The following EFHC1 variants were observed in gnomAD, a reference collection of about 807,000 sequenced individuals.
EFHC1 encodes EF-hand domain-containing protein 1.
EFHC1 carries 53 observed loss-of-function variants against 69.9 expected under a neutral mutation model. The ratio of observed to expected loss-of-function variants is 0.76; its 90% CI spans 0.61 to 0.95. The LOEUF (loss-of-function observed/expected upper bound fraction) is 0.95, where lower values mean the gene tolerates loss of function less well. EFHC1 is among the 40% of genes least tolerant of loss of function. The probability of loss-of-function intolerance (pLI) is 0.00; values close to 1 mark genes in which losing one functional copy is unlikely to be tolerated. For missense variants in EFHC1, 739 were observed against 798.7 expected (o/e 0.93, Z 0.90); for synonymous variants, 256 against 278.4 (o/e 0.92, Z 0.80).
At chr6:52,463,956 T>C (rs1274398893) in intron 5 of EFHC1, among the ~76,000 whole-genome samples, 1 of 152,216 alleles carries the variant, frequency 6.6e-6, no homozygotes, top group Non-Finnish European at 1.5e-5. Context: ...ATGCCTGTTA[T>C]AGCAGAAACT....
rs928923385 is a variant in EFHC1, at chr6:52,493,992, T to C, written c.*1651T>C. ...TATTGAAAGGGCTGTGAATGTATTA[T>C]GTTGATTCCTTTTCTGTTCCAGGTT... On this transcript the variant is annotated 3_prime_UTR_variant, in exon 11 of 11. Transcript: ENST00000371068. 3 of 454,008 alleles carry C rather than the reference T, an allele frequency of 6.6e-6. No homozygotes were observed. Among genetic ancestry groups the C allele is most frequent in the African/African-American group, 2.0e-5 (1 of 49,998 alleles). 28.1% of individuals were successfully genotyped at this position (454,008 alleles called of 1,614,324 possible).
chr6:52,480,195 AAATT>A (rs1765644935), intron 9 of EFHC1: 1 of 299,454 alleles, frequency 3.3e-6, no homozygotes, highest in Non-Finnish European at 6.2e-6. Context: ...AAGCTAGAGA[AAATT>A]AAGAAAATAA....
chr6:52,465,234 G>C, intron 6 of EFHC1, 119 bp downstream of exon 6: 1 of 853,802 alleles, frequency 1.2e-6, no homozygotes, highest in South Asian at 1.6e-5. Context: ...ATGTAACACA[G>C]TAGTTCACAA....
chr6:52,446,712 C>G (rs1764795456), intron 3 of EFHC1, among the ~76,000 whole-genome samples: 1 of 152,124 alleles, frequency 6.6e-6, no homozygotes, highest in Non-Finnish European at 1.5e-5. Flanking sequence ...TTGTTCCTTT[C>G]CATGTTTAGT....
intron 5 of EFHC1, among the ~76,000 whole-genome samples, chr6:52,459,614 G>C (rs1406630836): frequency 6.6e-6 from 1 of 152,230 alleles, no homozygotes. Flanking sequence ...CTAGTGGAAG[G>C]TCAGCTGAAA....
chr6:52,472,655 TATCTTTTACATACA>T (rs1765462989), intron 7 of EFHC1, among the ~76,000 whole-genome samples: 1 of 135,506 alleles, frequency 7.4e-6, no homozygotes, highest in African/African-American at 2.8e-5. Flanking sequence ...AGATATGTAA[TATCTTTTACATACA>T]AGAGATATGT....
intron 5 of EFHC1, among the ~76,000 whole-genome samples, chr6:52,456,898 G>C (rs1765056599): frequency 6.6e-6 from 1 of 152,082 alleles, no homozygotes; most frequent in South Asian, 2.1e-4. Context: ...CTGGGCAACA[G>C]AGCAAGACTC....
At chr6:52,456,472 A>G (rs1765046485) in intron 5 of EFHC1, among the ~76,000 whole-genome samples, 2 of 152,344 alleles carry the variant, frequency 1.3e-5, no homozygotes, top group South Asian at 4.1e-4. Context: ...TTTAAATGAC[A>G]GATTCCAGGT....
Position 52,494,108 on chromosome 6 carries a change from C to T in EFHC1, c.*1767C>T, listed in dbSNP as rs1233542579. The T allele has an allele frequency of 4.4e-6, 2 of 453,980 alleles. No individual in the cohort carries two copies. The highest frequency in any genetic ancestry group is 1.6e-5 in the South Asian group (1 of 64,484). 28.1% of individuals were successfully genotyped at this position (453,980 alleles called of 1,614,324 possible). On this transcript the variant is annotated 3_prime_UTR_variant, in exon 11 of 11. Transcript: ENST00000371068. ...AGTATCTCTTTCAAGTACAGATGCT[C>T]CTCTACTTATGGGGCTATGTCTCAA...
intron 3 of EFHC1, among the ~76,000 whole-genome samples, chr6:52,441,500 T>G (rs1185930142): frequency 2.0e-5 from 3 of 152,184 alleles, no homozygotes; most frequent in Non-Finnish European, 2.9e-5. Context: ...TTTTGGTTAC[T>G]GTAGCCCTGT....
intron 5 of EFHC1, among the ~76,000 whole-genome samples, chr6:52,464,377 G>T (rs182782310): frequency 9.9e-5 from 15 of 152,228 alleles, no homozygotes; most frequent in South Asian, 6.2e-4. Flanking sequence ...TAATTTTTTA[G>T]TGTCTGTCTC....
chr6:52,452,915 C>G (rs775623498), intron 4 of EFHC1, 78 bp downstream of exon 4: 1 of 1,607,862 alleles, frequency 6.2e-7, no homozygotes, highest in East Asian at 2.2e-5. Context: ...GTTTGGGTAG[C>G]TGTATTGGTA....
chr6:52,464,384 T>C (rs1429545818), intron 5 of EFHC1, among the ~76,000 whole-genome samples: 1 of 152,164 alleles, frequency 6.6e-6, no homozygotes, highest in Non-Finnish European at 1.5e-5. Context: ...TTAGTGTCTG[T>C]CTCCCCAAAG....
At chr6:52,434,555 G>A (rs1317029258) in intron 2 of EFHC1, among the ~76,000 whole-genome samples, 1 of 152,104 alleles carries the variant, frequency 6.6e-6, no homozygotes, top group Non-Finnish European at 1.5e-5. Flanking sequence ...TCCTACAAGA[G>A]CAATTTGCTT....
Position 52,493,227 on chromosome 6 carries a change from C to G in EFHC1, c.*886C>G. The G allele has an allele frequency of 2.2e-6, 1 of 453,412 alleles. No homozygotes were observed. Among genetic ancestry groups the G allele is most frequent in the South Asian group, 1.6e-5 (1 of 64,450 alleles). 28.1% of individuals were successfully genotyped at this position (453,412 alleles called of 1,614,324 possible). On this transcript the variant is annotated 3_prime_UTR_variant, in exon 11 of 11. Coordinates refer to ENST00000371068, the MANE Select transcript of EFHC1 (RefSeq NM_018100.4). ...ACCATCAGCTCTCCTAAGTCATAGG[C>G]CTTTGGATTCAGACTGGAATTATAC...
rs777410245 is a variant in EFHC1 at position 52,479,225 on chromosome 6, CT to C, written c.1469del (p.Phe490SerfsTer6). The C allele has an allele frequency of 1.9e-6, 3 of 1,613,992 alleles. No homozygotes were observed. In the Admixed American group the frequency reaches 5.0e-5, roughly 27 times the overall value. On this transcript the variant is annotated frameshift_variant, in exon 8 of 11. Transcript: ENST00000371068. LOFTEE classifies it high-confidence loss of function. ...DNPVYYGPSD[F>X]FIGAVIEVFG... ...ACCCTGTCTACTATGGCCCCAGTGA[CT>C]TCTTCATTGGTGCTGTGATTGAAGG...
intron 2 of EFHC1, among the ~76,000 whole-genome samples, chr6:52,434,884 C>CATATAT (rs59802769): frequency 0.013 from 2,001 of 148,718 alleles, 17 homozygotes; most frequent in African/African-American, 0.021. Context: ...TACCTGAGAC[C>CATATAT]ATATATATAT....
At chr6:52,471,010 T>A (rs1337343725) in intron 7 of EFHC1, among the ~76,000 whole-genome samples, 1 of 152,206 alleles carries the variant, frequency 6.6e-6, no homozygotes, top group East Asian at 1.9e-4. Flanking sequence ...TGTGTGTATG[T>A]GTATGTTTAT....
In EFHC1 at chr6:52,438,791, T is replaced by C. The variant is rs543187769; in HGVS notation, c.573+200T>C. Among the ~76,000 whole-genome samples the C allele has an allele frequency of 1.3e-4, 20 of 152,288 alleles. No homozygotes were observed. The South Asian group carries it at 3.9e-3, about 30-fold the overall frequency. On this transcript the variant is annotated intron_variant, in intron 3 of 10. Coordinates refer to ENST00000371068, the MANE Select transcript of EFHC1 (RefSeq NM_018100.4). ...GTAACATAATTTTTTCAGAATGATA[T>C]TAATACTTATTCACTCAAAATCAAA...
Sources: gnomAD v4.1 joint callset for allele counts (sites outside exome capture counted in the v4.1 genomes callset) on GRCh38, gnomAD v4.1.1 for gene constraint, MANE v1.5 for transcripts, NCBI Gene and HGNC (gene_info 2026-07-23, HGNC 2026-07-21) for gene names.